TET2: variants seen among roughly 807,000 people sequenced by gnomAD.
TET2 encodes the protein tet methylcytosine dioxygenase 2.
A neutral mutation model predicts 142.9 loss-of-function variants in TET2; 299 were observed. That is an observed-to-expected ratio of 2.09 (90% confidence interval 1.90 to 2.30). The LOEUF (loss-of-function observed/expected upper bound fraction) is 2.30. TET2 is among the 30% of genes most tolerant of loss of function. The pLI is 0.00. For synonymous variants in TET2, 819 were observed against 849.0 expected, an observed-to-expected ratio of 0.96 and a Z score of 0.61; for missense variants, 2,418 against 2,378.0, an observed-to-expected ratio of 1.02 and a Z score of -0.35.
At chr4:105,199,822 A>G (rs10018267) in intron 2 of TET2, among the ~76,000 whole-genome samples, 9,607 of 152,190 alleles carry the variant, frequency 0.063, 853 homozygotes, top group African/African-American at 0.19. Flanking sequence ...TTAGTTTGCT[A>G]TGGATAATGG....
chr4:105,235,824 GA>G lies in TET2; in HGVS notation c.1883del (p.Glu628GlyfsTer11). 1 of 1,613,968 alleles carries G rather than the reference GA, an allele frequency of 6.2e-7. No homozygotes were observed. The highest frequency in any genetic ancestry group is 8.5e-7 in the Non-Finnish European group (1 of 1,179,992). The part of the protein sequence containing the change: ...QAYTQKTTQL[E>X]HKSQMYQVEM... The stretch of plus-strand genomic sequence containing the variant: ...TTACACCCAGAAAACAACACAGCTG[GA>G]GCACAAGTCACAAATGTACCAAGTT... On this transcript the variant is annotated frameshift_variant, in exon 3 of 11. Transcript: ENST00000380013. LOFTEE classifies it high-confidence loss of function.
chr4:105,234,907 TACA>T lies in TET2; in HGVS notation c.973_975del (p.Gln325del), dbSNP rs1259759042. The T allele has an allele frequency of 5.6e-6, 9 of 1,613,958 alleles. No individual in the cohort carries two copies. The highest frequency in any genetic ancestry group is 2.2e-5 in the South Asian group (2 of 91,082). ...TGTTCCTTTCAGAAACCAGAACAAC[TACA>T]ACAACAAAAATCAGTTTTTGAGATA... On this transcript the variant is annotated inframe_deletion, in exon 3 of 11. Coordinates refer to ENST00000380013, the MANE Select transcript of TET2 (RefSeq NM_001127208.3).
chr4:105,268,783 C>A (rs773060227), intron 8 of TET2, among the ~76,000 whole-genome samples: 1 of 152,034 alleles, frequency 6.6e-6, no homozygotes, highest in Non-Finnish European at 1.5e-5. Flanking sequence ...ACCAGCCTGG[C>A]CAACATGGCA....
At chr4:105,272,944 G>A in intron 10 of TET2, 26 bp downstream of exon 10, 8 of 1,482,860 alleles carry the variant, frequency 5.4e-6, no homozygotes, top group Non-Finnish European at 7.2e-6. Context: ...AGCATTTGTA[G>A]ATAAATGTGT....
chr4:105,208,206 A>T (rs1462509021), intron 2 of TET2, among the ~76,000 whole-genome samples: 1 of 151,968 alleles, frequency 6.6e-6, no homozygotes, highest in African/African-American at 2.4e-5. Flanking sequence ...CTAAATTCTC[A>T]TGTTTTTAAG....
Position 105,235,665 on chromosome 4 carries a change from G to A in TET2, c.1723G>A (p.Ala575Thr), listed in dbSNP as rs1172291517. The stretch of plus-strand genomic sequence containing the variant: ...ATTGAAGGCCCCTCGTTTTCACCAA[G>A]CGGAATCCCATCTAAAACGTAATGA... ...IELKAPRFHQ[A>T]ESHLKRNEAS... Residue 575 changes from alanine (A) to threonine (T), a missense_variant, in exon 3 of 11, where the codon GCG (alanine) becomes ACG (threonine). Physicochemically the swap from Ala to Thr is moderately conservative, Grantham distance 58 (BLOSUM62 0). Transcript: ENST00000380013. 3 of 1,614,134 alleles carry A rather than the reference G, an allele frequency of 1.9e-6. No homozygotes were observed. Among genetic ancestry groups the A allele is most frequent in the Non-Finnish European group, 2.5e-6 (3 of 1,180,018 alleles).
At chr4:105,208,220 C>G (rs1182308256) in intron 2 of TET2, among the ~76,000 whole-genome samples, 2 of 152,118 alleles carry the variant, frequency 1.3e-5, no homozygotes, top group Non-Finnish European at 2.9e-5. Flanking sequence ...TTTTAAGGCT[C>G]TCATCTTAGG....
intron 1 of TET2, among the ~76,000 whole-genome samples, chr4:105,168,645 G>A (rs1309094731): frequency 6.6e-6 from 1 of 151,932 alleles, no homozygotes; most frequent in Admixed American, 6.6e-5. Context: ...ACATGGGTAA[G>A]TTCTTTAGTG....
At chr4:105,219,702 G>A (rs1317638799) in intron 2 of TET2, among the ~76,000 whole-genome samples, 3 of 152,028 alleles carry the variant, frequency 2.0e-5, no homozygotes, top group Non-Finnish European at 4.4e-5. Context: ...ATGAGACAAT[G>A]TATCAAACAG....
intron 2 of TET2, among the ~76,000 whole-genome samples, chr4:105,216,800 C>T (rs1431328250): frequency 6.6e-6 from 1 of 151,942 alleles, no homozygotes; most frequent in Non-Finnish European, 1.5e-5. Context: ...TAGTTATAAT[C>T]GTGATAACAG....
chr4:105,248,668 C>A (rs113196515), intron 6 of TET2, among the ~76,000 whole-genome samples: 2 of 152,014 alleles, frequency 1.3e-5, no homozygotes, highest in African/African-American at 4.8e-5. Context: ...ATTCACATAC[C>A]ATAAAATTTA....
chr4:105,176,896 G>T (rs1012218522), intron 1 of TET2, among the ~76,000 whole-genome samples: 14 of 152,110 alleles, frequency 9.2e-5, no homozygotes, highest in Non-Finnish European at 1.9e-4. Context: ...CAATGTAGTG[G>T]GTACTGGTGA....
In TET2 at chr4:105,278,173, T is replaced by TAG. The variant is rs1218246963; in HGVS notation, c.*1655_*1656insGA. ...ACTGTAAAAAAATTAAATATATACATATATATATATATATATATATATATA... is the reference window on the plus strand; with the variant it reads ...ACTGTAAAAAAATTAAATATATACATAGATATATATATATATATATATATATA... On this transcript the variant is annotated 3_prime_UTR_variant, in exon 11 of 11. Transcript: ENST00000380013. 1.2e-5 allele frequency: 1 copy of TAG among 86,708 alleles called. No individual in the cohort carries two copies. The highest frequency in any genetic ancestry group is 2.5e-5 in the Non-Finnish European group (1 of 40,494). The allele number at this position is 86,708 out of a possible 1,614,324, so 5.4% of individuals were successfully genotyped here.
chr4:105,201,646 TAGA>T (rs1428700482), intron 2 of TET2, among the ~76,000 whole-genome samples: 4 of 150,396 alleles, frequency 2.7e-5, no homozygotes, highest in Non-Finnish European at 2.9e-5. Context: ...TATAAAGTAA[TAGA>T]AGGTTACCAA....
chr4:105,200,881 T>C (rs2035379102), intron 2 of TET2, among the ~76,000 whole-genome samples: 1 of 151,994 alleles, frequency 6.6e-6, no homozygotes, highest in Non-Finnish European at 1.5e-5. Context: ...GGATGGTCTC[T>C]ATCTCTTGAC....
rs578076126 is a variant in TET2 at position 105,169,973 on chromosome 4, G to T, written c.-192-20387G>T. On this transcript the variant is annotated intron_variant, in intron 1 of 10. Coordinates refer to ENST00000380013, the MANE Select transcript of TET2 (RefSeq NM_001127208.3). Reference sequence around the variant, plus strand: ...TTTTATACCAGTACCATGCTGTTTTGGTGTCTATGGCCTTCTAGTATAAAG... The same window carrying T: ...TTTTATACCAGTACCATGCTGTTTTTGTGTCTATGGCCTTCTAGTATAAAG... 3.3e-5 allele frequency among the ~76,000 whole-genome samples: 5 copies of T among 152,046 alleles called. No homozygotes were observed. In the East Asian group the frequency reaches 9.7e-4, roughly 29 times the overall value.
chr4:105,228,223 TATTA>T (rs1728299247), intron 2 of TET2, among the ~76,000 whole-genome samples: 1 of 152,122 alleles, frequency 6.6e-6, no homozygotes, highest in Non-Finnish European at 1.5e-5. Flanking sequence ...AATGGCAGTT[TATTA>T]GTTTAAATTT....
At chr4:105,220,672 A>G (rs1195317923) in intron 2 of TET2, among the ~76,000 whole-genome samples, 1 of 152,134 alleles carries the variant, frequency 6.6e-6, no homozygotes, top group Non-Finnish European at 1.5e-5. Context: ...TCTGCCTGGC[A>G]TTGACTGGCT....
At chr4:105,157,113 AAAC>A (rs908800413) in intron 1 of TET2, among the ~76,000 whole-genome samples, 55 of 152,274 alleles carry the variant, frequency 3.6e-4, no homozygotes, top group African/African-American at 1.2e-3. Flanking sequence ...ACAGAAGAAA[AAAC>A]CATTTCTACA....
Sources: gnomAD v4.1 joint callset for allele counts (sites outside exome capture counted in the v4.1 genomes callset) on GRCh38, gnomAD v4.1.1 for gene constraint, MANE v1.5 for transcripts, NCBI Gene and HGNC (gene_info 2026-07-23, HGNC 2026-07-21) for gene names.